PSME4: variants seen among roughly 807,000 people sequenced by gnomAD.
PSME4 encodes proteasome activator subunit 4.
A neutral mutation model predicts 253.9 loss-of-function variants in PSME4; 89 were observed. The ratio of observed to expected loss-of-function variants is 0.35; its 90% CI spans 0.30 to 0.42. The LOEUF (loss-of-function observed/expected upper bound fraction) is 0.42, where lower values mean the gene tolerates loss of function less well. PSME4 is among the 10% of genes least tolerant of loss of function. The pLI, the probability that PSME4 is intolerant of heterozygous loss-of-function variation, is 1.00. For missense variants in PSME4, 2,014 were observed against 2,195.2 expected, an observed-to-expected ratio of 0.92 and a Z score of 1.65; for synonymous variants, 851 against 759.2, an observed-to-expected ratio of 1.12 and a Z score of -1.99.
intron 12 of PSME4, 124 bp from the exon 13 acceptor site, chr2:53,926,147 A>G (rs62139281): frequency 0.033 from 22,504 of 686,266 alleles, 449 homozygotes; most frequent in South Asian, 0.041. Flanking sequence ...GTACTATGAG[A>G]AACAGCACCA....
At chr2:53,911,480 T>C (rs1432224520) in intron 20 of PSME4, among the ~76,000 whole-genome samples, 1 of 152,098 alleles carries the variant, frequency 6.6e-6, no homozygotes, top group Non-Finnish European at 1.5e-5. Context: ...AAAAATAAAA[T>C]CAGATTCCTT....
intron 34 of PSME4, among the ~76,000 whole-genome samples, chr2:53,894,053 A>T (rs1161744485): frequency 2.0e-5 from 3 of 152,116 alleles, no homozygotes; most frequent in Non-Finnish European, 4.4e-5. Flanking sequence ...AAAATCAACA[A>T]ATGTTCTGCT....
At chr2:53,894,308 G>T (rs1202751757) in intron 34 of PSME4, among the ~76,000 whole-genome samples, 2 of 152,016 alleles carry the variant, frequency 1.3e-5, no homozygotes, top group East Asian at 3.9e-4. Context: ...GTCTCACTCT[G>T]TCATCCAGGC....
At chr2:53,940,968 T>TTTAA (rs1558413931) in intron 3 of PSME4, among the ~76,000 whole-genome samples, 1 of 70,564 alleles carries the variant, frequency 1.4e-5, no homozygotes, top group Admixed American at 1.5e-4. Context: ...TATATATATA[T>TTTAA]ATATATATAT....
chr2:53,864,942 CA>C lies in PSME4; in HGVS notation c.*635del, dbSNP rs1232066061. ...CAATCAGATTTCTTCACCAAACCCCCAATTTTTTAGCAACTGGCTCTATTCA... is the reference window on the plus strand; with the variant it reads ...CAATCAGATTTCTTCACCAAACCCCCATTTTTTAGCAACTGGCTCTATTCA... On this transcript the variant is annotated 3_prime_UTR_variant, in exon 47 of 47. Transcript: ENST00000404125. 2 of 152,588 alleles carry C rather than the reference CA, an allele frequency of 1.3e-5. No individual in the cohort carries two copies. The highest frequency in any genetic ancestry group is 6.5e-5 in the Admixed American group (1 of 15,276). 9.5% of individuals were successfully genotyped at this position (152,588 alleles called of 1,614,324 possible).
At chr2:53,909,962 T>C in intron 21 of PSME4, 113 bp downstream of exon 21, 2 of 937,186 alleles carry the variant, frequency 2.1e-6, no homozygotes, top group Non-Finnish European at 3.5e-6. Flanking sequence ...AGAGTGAGAC[T>C]CTGTCTCAAA....
intron 30 of PSME4, 37 bp from the exon 31 acceptor site, chr2:53,898,036 T>TA: frequency 1.3e-6 from 2 of 1,576,718 alleles, no homozygotes. Context: ...ATATCACACA[T>TA]AAAACCACTT....
In PSME4 at chr2:53,869,749, GA is replaced by G. The variant is rs773649690; in HGVS notation, c.5101-212del. ...TGGATAAAAACTACATTAGGGTTATGAGCATAAACTTTTATCTCTTTTAGCA... is the reference window on the plus strand; with the variant it reads ...TGGATAAAAACTACATTAGGGTTATGGCATAAACTTTTATCTCTTTTAGCA... On this transcript the variant is annotated intron_variant, in intron 43 of 46. Coordinates refer to ENST00000404125, the MANE Select transcript of PSME4 (RefSeq NM_014614.3). The G allele has an allele frequency of 5.7e-4, 211 of 371,962 alleles. 1 individual carries two copies. Among genetic ancestry groups the G allele is most frequent in the Non-Finnish European group, 8.9e-4 (185 of 208,564 alleles). The allele number at this position is 371,962 out of a possible 1,614,324, so 23.0% of individuals were successfully genotyped here.
intron 41 of PSME4, among the ~76,000 whole-genome samples, chr2:53,883,171 A>C (rs1243540221): frequency 6.6e-6 from 1 of 152,158 alleles, no homozygotes; most frequent in Non-Finnish European, 1.5e-5. Context: ...CTGTTACTGA[A>C]ATTTTCCACA....
intron 17 of PSME4, among the ~76,000 whole-genome samples, 181 bp downstream of exon 17, chr2:53,922,336 T>C (rs1668363937): frequency 6.6e-6 from 1 of 152,186 alleles, no homozygotes; most frequent in South Asian, 2.1e-4. Context: ...CATGCAGTGA[T>C]CAACTACACC....
intron 1 of PSME4, 37 bp from the exon 2 acceptor site, chr2:53,949,320 G>A: frequency 1.5e-6 from 2 of 1,352,796 alleles, no homozygotes; most frequent in African/African-American, 1.5e-5. Flanking sequence ...TTAAAAATAG[G>A]TATGATGACA....
intron 1 of PSME4, among the ~76,000 whole-genome samples, chr2:53,964,165 A>C (rs1239758771): frequency 6.6e-6 from 1 of 152,208 alleles, no homozygotes; most frequent in Non-Finnish European, 1.5e-5. Context: ...AATTACTGAG[A>C]GATCTCTGGA....
chr2:53,940,854 TATATATATAATATATATTTAA>T (rs1558413147), intron 3 of PSME4, among the ~76,000 whole-genome samples: 8 of 94,346 alleles, frequency 8.5e-5, no homozygotes, highest in South Asian at 4.3e-4. Context: ...AAAAAATTTA[TATATATATAATATATATTTAA>T]ATATATATAA....
At chr2:53,885,471 T>A (rs1023804317) in intron 41 of PSME4, among the ~76,000 whole-genome samples, 1 of 152,184 alleles carries the variant, frequency 6.6e-6, no homozygotes, top group Non-Finnish European at 1.5e-5. Flanking sequence ...CCGTTAAATT[T>A]TCATGTAGCT....
chr2:53,940,998 T>TATGTATATGA (rs1669429235), intron 3 of PSME4, among the ~76,000 whole-genome samples: 9 of 85,910 alleles, frequency 1.0e-4, no homozygotes, highest in Non-Finnish European at 2.0e-4. Context: ...TATATATATA[T>TATGTATATGA]ATGAAAGGAG....
intron 1 of PSME4, among the ~76,000 whole-genome samples, chr2:53,966,271 G>A (rs551489296): frequency 1.3e-5 from 2 of 152,202 alleles, no homozygotes; most frequent in East Asian, 1.9e-4. Context: ...ATGACAGAGC[G>A]AGACTCTGTC....
At chr2:53,872,341 T>G (rs751836338) in intron 43 of PSME4, among the ~76,000 whole-genome samples, 8 of 152,198 alleles carry the variant, frequency 5.3e-5, no homozygotes, top group South Asian at 2.1e-4. Context: ...GATAACATTG[T>G]TTTTCCCCAT....
At chr2:53,936,734 G>C (rs201848021) in intron 6 of PSME4, 30 bp downstream of exon 6, 10 of 1,473,802 alleles carry the variant, frequency 6.8e-6, no homozygotes, top group South Asian at 4.0e-5. Flanking sequence ...AAAACTATAG[G>C]GGGGAAGAAA....
At chr2:53,901,809 C>T (rs1173665348) in intron 27 of PSME4, among the ~76,000 whole-genome samples, 1 of 152,182 alleles carries the variant, frequency 6.6e-6, no homozygotes, top group Non-Finnish European at 1.5e-5. Context: ...GTGGCTCACG[C>T]CTGTAATTCT....
Sources: allele counts gnomAD v4.1 joint callset (sites outside exome capture counted in the v4.1 genomes callset), GRCh38; gene constraint gnomAD v4.1.1; transcripts MANE v1.5; gene names NCBI Gene and HGNC (gene_info 2026-07-23, HGNC 2026-07-21).